RGS20: variants seen among roughly 807,000 people sequenced by gnomAD.
The protein encoded by RGS20 is regulator of G protein signaling 20, also known as gz-selective GTPase-activating protein.
A neutral mutation model predicts 33.6 loss-of-function variants in RGS20; 30 were observed. The observed-to-expected ratio is 0.89, with a 90% confidence interval of 0.67 to 1.21. The LOEUF (loss-of-function observed/expected upper bound fraction) is 1.21, where lower values mean the gene tolerates loss of function less well. RGS20 is among the 50% of genes most tolerant of loss of function. The pLI, the probability that RGS20 is intolerant of heterozygous loss-of-function variation, is 0.00. For synonymous variants in RGS20, 208 were observed against 197.9 expected, an observed-to-expected ratio of 1.05 and a Z score of -0.43; for missense variants, 472 against 502.4, an observed-to-expected ratio of 0.94 and a Z score of 0.58.
chr8:53,893,317 G>GA (rs201009672), intron 2 of RGS20, among the ~76,000 whole-genome samples: 54 of 149,760 alleles, frequency 3.6e-4, no homozygotes, highest in African/African-American at 1.2e-3. Flanking sequence ...TTTGCTTCTT[G>GA]AAAAAAAAAT....
At chr8:53,923,253 G>A (rs1813699902) in intron 2 of RGS20, among the ~76,000 whole-genome samples, 1 of 152,052 alleles carries the variant, frequency 6.6e-6, no homozygotes, top group Non-Finnish European at 1.5e-5. Flanking sequence ...TTTTAAAGAA[G>A]CTAAGAAAAG....
chr8:53,892,673 C>T (rs919373502), intron 2 of RGS20, among the ~76,000 whole-genome samples: 28 of 152,114 alleles, frequency 1.8e-4, no homozygotes, highest in African/African-American at 6.5e-4. Context: ...CTTGCTTTAA[C>T]GTAATACATG....
chr8:53,935,250 A>G (rs1814096152), intron 2 of RGS20, among the ~76,000 whole-genome samples: 1 of 152,188 alleles, frequency 6.6e-6, no homozygotes, highest in Admixed American at 6.5e-5. Context: ...GACAACAGAT[A>G]ACTAAGATCA....
chr8:53,901,744 G>T (rs1317323947), intron 2 of RGS20, among the ~76,000 whole-genome samples: 1 of 152,180 alleles, frequency 6.6e-6, no homozygotes, highest in Non-Finnish European at 1.5e-5. Flanking sequence ...AGCTACTTGG[G>T]AGGCTGAGGC....
At chr8:53,957,019 C>T (rs1333602905) in intron 5 of RGS20, among the ~76,000 whole-genome samples, 2 of 152,170 alleles carry the variant, frequency 1.3e-5, no homozygotes, top group East Asian at 1.9e-4. Context: ...TCACAAAAAA[C>T]CTAAGACATT....
At chr8:53,873,752 A>T (rs1563348845) in intron 1 of RGS20, among the ~76,000 whole-genome samples, 2 of 152,260 alleles carry the variant, frequency 1.3e-5, no homozygotes, top group Non-Finnish European at 2.9e-5. Context: ...ACTATGTCAG[A>T]TGGTGACAAG....
intron 1 of RGS20, among the ~76,000 whole-genome samples, chr8:53,857,525 TG>T (rs1399734894): frequency 7.2e-5 from 11 of 152,204 alleles, no homozygotes; most frequent in African/African-American, 2.7e-4. Flanking sequence ...AAAGGGAAGA[TG>T]TTGGTCAAAG....
intron 2 of RGS20, among the ~76,000 whole-genome samples, chr8:53,885,509 GAGGCTGAAGC>G (rs1812516958): frequency 6.6e-6 from 1 of 152,138 alleles, no homozygotes; most frequent in South Asian, 2.1e-4. Context: ...AGCTACTCGG[GAGGCTGAAGC>G]AGGAGAATGG....
At chr8:53,871,023 ATTGCTTG>A (rs975594382) in intron 1 of RGS20, among the ~76,000 whole-genome samples, 1 of 139,354 alleles carries the variant, frequency 7.2e-6, no homozygotes, top group Non-Finnish European at 1.5e-5. Context: ...AGACAGGAGA[ATTGCTTG>A]AAGCCGGGTG....
chr8:53,880,887 A>C, intron 2 of RGS20: 5 of 1,470,472 alleles, frequency 3.4e-6, no homozygotes, highest in Non-Finnish European at 3.6e-6. Context: ...AAGGGGAGGA[A>C]GAGGCCGGGA....
chr8:53,856,921 G>A (rs1241739657), intron 1 of RGS20, among the ~76,000 whole-genome samples: 1 of 152,062 alleles, frequency 6.6e-6, no homozygotes, highest in Non-Finnish European at 1.5e-5. Context: ...GGCACCAAAG[G>A]GCAGCTACAA....
At chr8:53,862,710 G>A (rs1811836309) in intron 1 of RGS20, among the ~76,000 whole-genome samples, 1 of 152,068 alleles carries the variant, frequency 6.6e-6, no homozygotes, top group African/African-American at 2.4e-5. Flanking sequence ...GAGGCATGAG[G>A]ATTGCTTGAG....
chr8:53,947,284 A>G (rs191020385), intron 4 of RGS20, among the ~76,000 whole-genome samples: 1 of 137,920 alleles, frequency 7.3e-6, no homozygotes, highest in Admixed American at 7.4e-5. Flanking sequence ...TATAGCATAT[A>G]TATTTATACA....
intron 3 of RGS20, 170 bp from the exon 3 acceptor site, chr8:53,946,495 G>T: frequency 1.4e-6 from 1 of 715,384 alleles, no homozygotes; most frequent in Non-Finnish European, 2.5e-6. Context: ...GTACCTTATT[G>T]TCACACTTTT....
intron 2 of RGS20, among the ~76,000 whole-genome samples, chr8:53,921,927 C>G (rs936138181): frequency 6.6e-6 from 1 of 152,052 alleles, no homozygotes; most frequent in African/African-American, 2.4e-5. Flanking sequence ...ATTATATGGT[C>G]TATTCTGGAG....
chr8:53,945,518 A>G (rs544464849), intron 3 of RGS20: 2 of 152,240 alleles, frequency 1.3e-5, no homozygotes, highest in African/African-American at 4.8e-5. Flanking sequence ...CTGGAATTAG[A>G]TAGTAGGGAT....
chr8:53,856,332 C>T (rs1811669383), intron 1 of RGS20, among the ~76,000 whole-genome samples: 4 of 151,716 alleles, frequency 2.6e-5, no homozygotes, highest in African/African-American at 9.7e-5. Context: ...TCTCCTGCCT[C>T]AGCCTCCCAA....
chr8:53,911,354 T>C (rs1585912885), intron 2 of RGS20, among the ~76,000 whole-genome samples: 1 of 152,156 alleles, frequency 6.6e-6, no homozygotes, highest in African/African-American at 2.4e-5. Flanking sequence ...GCCAATTCTT[T>C]GGAAACAGAA....
intron 3 of RGS20, among the ~76,000 whole-genome samples, chr8:53,944,278 G>A (rs149511932): frequency 5.9e-5 from 9 of 152,188 alleles, no homozygotes; most frequent in Admixed American, 1.3e-4. Flanking sequence ...GATGGCTCAC[G>A]CCTGTAATCC....
Sources: allele counts gnomAD v4.1 joint callset (sites outside exome capture counted in the v4.1 genomes callset), GRCh38; gene constraint gnomAD v4.1.1; transcripts MANE v1.5; gene names NCBI Gene and HGNC (gene_info 2026-07-23, HGNC 2026-07-21).